The following NRG3 variants were observed in gnomAD, a reference collection of about 807,000 sequenced individuals.
NRG3 encodes neuregulin 3.
NRG3 carries 31 observed loss-of-function variants against 66.9 expected under a neutral mutation model. The observed-to-expected ratio is 0.46, with a 90% CI of 0.35 to 0.63. NRG3 has a LOEUF of 0.63. Among genes scored for constraint, NRG3 ranks in the 20% least tolerant of loss-of-function variants. NRG3 has a pLI of 0.00. For missense variants in NRG3, 910 were observed against 878.9 expected, an observed-to-expected ratio of 1.04 and a Z score of -0.45; for synonymous variants, 393 against 359.4, an observed-to-expected ratio of 1.09 and a Z score of -1.06.
intron 1 of NRG3, among the ~76,000 whole-genome samples, chr10:82,163,755 C>A (rs2071794900): frequency 6.6e-6 from 1 of 151,930 alleles, no homozygotes; most frequent in Admixed American, 6.6e-5. Context: ...ACAAGGTAGG[C>A]CGTGGTTGAT....
chr10:82,473,575 A>T (rs994660170), intron 2 of NRG3, among the ~76,000 whole-genome samples: 1 of 152,168 alleles, frequency 6.6e-6, no homozygotes, highest in Non-Finnish European at 1.5e-5. Flanking sequence ...ACACCCAATC[A>T]TGGAAAAGCC....
intron 2 of NRG3, among the ~76,000 whole-genome samples, chr10:82,375,842 C>T (rs1439450854): frequency 1.3e-5 from 2 of 152,134 alleles, no homozygotes; most frequent in Non-Finnish European, 2.9e-5. Context: ...GTCGCAATTT[C>T]ATCTGTTTCA....
chr10:82,930,344 A>G lies in NRG3; in HGVS notation c.1055-21125A>G, dbSNP rs1213263682. 1.3e-5 allele frequency among the ~76,000 whole-genome samples: 2 copies of G among 152,208 alleles called. 1 individual carries two copies. The highest frequency in any genetic ancestry group is 4.8e-5 in the African/African-American group (2 of 41,458). ...GTTAGCATAGTGGTGGAATTTAAGAAGGGATATTTAATTAATAGAATTTAT... is the reference window on the plus strand; with the variant it reads ...GTTAGCATAGTGGTGGAATTTAAGAGGGGATATTTAATTAATAGAATTTAT... On this transcript the variant is annotated intron_variant, in intron 4 of 8. Coordinates refer to ENST00000372141, the MANE Select transcript of NRG3 (RefSeq NM_001010848.4).
At chr10:82,859,162 T>C (rs1295649256) in intron 3 of NRG3, 2 of 152,304 alleles carry the variant, frequency 1.3e-5, no homozygotes, top group Admixed American at 1.3e-4. Context: ...TTAACCAGGA[T>C]GGTCTCAATT....
intron 1 of NRG3, among the ~76,000 whole-genome samples, chr10:82,070,766 T>G (rs2064761925): frequency 6.6e-6 from 1 of 152,150 alleles, no homozygotes; most frequent in African/African-American, 2.4e-5. Context: ...TTGTTGGTGT[T>G]CAAAGCCACA....
intron 2 of NRG3, among the ~76,000 whole-genome samples, chr10:82,570,997 T>G (rs1373836748): frequency 6.6e-6 from 1 of 151,688 alleles, no homozygotes; most frequent in Non-Finnish European, 1.5e-5. Flanking sequence ...TATCTATTTA[T>G]CTCTAGTTTA....
chr10:82,128,736 TG>T lies in NRG3; in HGVS notation c.824-230002del, dbSNP rs779925036. On this transcript the variant is annotated intron_variant, in intron 1 of 8. Coordinates refer to ENST00000372141, the MANE Select transcript of NRG3 (RefSeq NM_001010848.4). The stretch of plus-strand genomic sequence containing the variant: ...CAAACCAGAAGCATTTTTAAAAGCT[TG>T]TTTAAATTTCTGGGGTTTTTTTTGT... Among the ~76,000 whole-genome samples, 37 of 116,456 alleles carry T rather than the reference TG, an allele frequency of 3.2e-4. 2 individuals carry two copies. Among genetic ancestry groups the T allele is most frequent in the Admixed American group, 1.3e-3 (16 of 12,184 alleles). The allele number at this position is 116,456 out of a possible 152,430, so 76.4% of individuals were successfully genotyped here.
chr10:82,286,593 A>G (rs1410855868), intron 1 of NRG3, among the ~76,000 whole-genome samples: 1 of 151,838 alleles, frequency 6.6e-6, no homozygotes. Flanking sequence ...TTATTTACTT[A>G]TTTACTTATT....
chr10:82,659,861 C>A (rs2052190470), intron 2 of NRG3, among the ~76,000 whole-genome samples: 1 of 151,822 alleles, frequency 6.6e-6, no homozygotes, highest in Admixed American at 6.6e-5. Context: ...TAGCACTGGT[C>A]ATATAAGATG....
chr10:82,378,929 C>T (rs947451943), intron 2 of NRG3, among the ~76,000 whole-genome samples: 1 of 152,096 alleles, frequency 6.6e-6, no homozygotes, highest in African/African-American at 2.4e-5. Context: ...ATATCACTCA[C>T]ACTAGGGAGG....
intron 3 of NRG3, among the ~76,000 whole-genome samples, chr10:82,805,153 AAG>A: frequency 6.6e-6 from 1 of 152,266 alleles, no homozygotes; most frequent in Non-Finnish European, 1.5e-5. Flanking sequence ...CTGAATTTCT[AAG>A]GTCTCAGTTG....
At chr10:82,214,470 C>A (rs1430037696) in intron 1 of NRG3, among the ~76,000 whole-genome samples, 6 of 152,012 alleles carry the variant, frequency 3.9e-5, no homozygotes, top group Admixed American at 2.6e-4. Flanking sequence ...TCTATTTCCA[C>A]CCCCCGCCCT....
At chr10:82,827,417 G>A (rs1303052217) in intron 3 of NRG3, among the ~76,000 whole-genome samples, 1 of 152,094 alleles carries the variant, frequency 6.6e-6, no homozygotes, top group African/African-American at 2.4e-5. Context: ...TCCTAGGAAG[G>A]CTGATGAGCA....
At chr10:82,338,997 C>A (rs79246557) in intron 1 of NRG3, among the ~76,000 whole-genome samples, 1,938 of 152,226 alleles carry the variant, frequency 0.013, 18 homozygotes, top group Non-Finnish European at 0.02. Context: ...CCAACACTGC[C>A]ATGAAGAAGA....
rs534984109 is a variant in NRG3 at position 82,495,947 on chromosome 10, G to C, written c.953+137079G>C. 9.2e-5 allele frequency among the ~76,000 whole-genome samples: 14 copies of C among 152,046 alleles called. No individual in the cohort carries two copies. The East Asian group carries it at 2.3e-3, about 25-fold the overall frequency. On this transcript the variant is annotated intron_variant, in intron 2 of 8. Transcript: ENST00000372141. ...TAAAGAATGTAGGACTATTTTGAAG[G>C]CTCCAGAGGACAATTAATAAGATTT... is the stretch of plus-strand genomic sequence containing the variant.
intron 1 of NRG3, among the ~76,000 whole-genome samples, chr10:81,893,909 T>G (rs1010005071): frequency 1.3e-5 from 2 of 152,170 alleles, no homozygotes; most frequent in Non-Finnish European, 2.9e-5. Context: ...CAAAAGATTT[T>G]TTTCCTGAAA....
chr10:82,664,830 G>C (rs2052638999), intron 2 of NRG3, among the ~76,000 whole-genome samples: 1 of 152,118 alleles, frequency 6.6e-6, no homozygotes, highest in African/African-American at 2.4e-5. Context: ...CTAGTCATTA[G>C]TGAGGCCAGA....
At chr10:82,221,741 G>T (rs750154288) in intron 1 of NRG3, among the ~76,000 whole-genome samples, 7 of 152,282 alleles carry the variant, frequency 4.6e-5, no homozygotes, top group Non-Finnish European at 1.0e-4. Flanking sequence ...AGGCTCTGAT[G>T]AATGATCTCT....
At chr10:82,491,232 C>T (rs781214368) in intron 2 of NRG3, among the ~76,000 whole-genome samples, 7 of 134,736 alleles carry the variant, frequency 5.2e-5, no homozygotes, top group African/African-American at 7.8e-5. Flanking sequence ...AACTATCTAA[C>T]GAAGTAAACT....
Sources: allele counts gnomAD v4.1 joint callset (sites outside exome capture counted in the v4.1 genomes callset), GRCh38; gene constraint gnomAD v4.1.1; transcripts MANE v1.5; gene names NCBI Gene and HGNC (gene_info 2026-07-23, HGNC 2026-07-21).